E2F6: variants seen among roughly 807,000 people sequenced by gnomAD.
E2F6 encodes transcription factor E2F6.
A neutral mutation model predicts 31.5 loss-of-function variants in E2F6; 19 were observed. The observed-to-expected ratio is 0.60, with a 90% confidence interval of 0.42 to 0.89. The LOEUF (loss-of-function observed/expected upper bound fraction) is 0.89, where lower values mean the gene tolerates loss of function less well. Ranked by LOEUF, E2F6 falls within the 40% of genes least tolerant of loss-of-function variation. E2F6 has a pLI of 0.00. For missense variants in E2F6, 269 were observed against 341.6 expected, an observed-to-expected ratio of 0.79 and a Z score of 1.67; for synonymous variants, 121 against 127.7, an observed-to-expected ratio of 0.95 and a Z score of 0.36.
intron 6 of E2F6, among the ~76,000 whole-genome samples, chr2:11,447,287 C>T (rs544181242): frequency 4.6e-4 from 70 of 152,264 alleles, no homozygotes; most frequent in African/African-American, 1.6e-3. Context: ...TTCCCTTCTC[C>T]AAGATGTGCA....
At position 11,446,299 on chromosome 2, in the gene E2F6, C is replaced by T. The variant is rs2148330341; in HGVS notation, c.*178G>A. The T allele has an allele frequency of 3.9e-6, 2 of 513,662 alleles. 1 individual carries two copies. The highest frequency in any genetic ancestry group is 7.7e-5 in the Admixed American group (2 of 25,862). The allele number at this position is 513,662 out of a possible 1,614,324, so 31.8% of individuals were successfully genotyped here. ...AGGAGTTGTTTTCAAATGTGGAAAC[C>T]ACAATTACTCAGTAATCTAAGTGGT... is the stretch of plus-strand genomic sequence containing the variant. On this transcript the variant is annotated 3_prime_UTR_variant, in exon 7 of 7. Transcript: ENST00000381525.
At chr2:11,453,507 C>A in intron 3 of E2F6, 75 bp downstream of exon 3, 1 of 1,327,238 alleles carries the variant, frequency 7.5e-7, no homozygotes, top group East Asian at 2.3e-5. Flanking sequence ...AACACTGCCA[C>A]TATCTAGTTT....
At chr2:11,447,256 G>C (rs1221408764) in intron 6 of E2F6, among the ~76,000 whole-genome samples, 2 of 152,140 alleles carry the variant, frequency 1.3e-5, no homozygotes, top group African/African-American at 4.8e-5. Context: ...TTGACTGCCT[G>C]GGTCAAGCAG....
chr2:11,463,340 T>C (rs1671903658), intron 1 of E2F6, among the ~76,000 whole-genome samples: 1 of 152,248 alleles, frequency 6.6e-6, no homozygotes, highest in South Asian at 2.1e-4. Context: ...CCCGAAGGAG[T>C]AGGATTTTCT....
intron 1 of E2F6, 69 bp downstream of exon 1, chr2:11,465,703 G>C: frequency 6.6e-7 from 1 of 1,507,740 alleles, no homozygotes; most frequent in Admixed American, 2.0e-5. Context: ...CGGGGTTGGC[G>C]GCGGCGCGGG....
chr2:11,458,985 T>C (rs139460888), intron 1 of E2F6, among the ~76,000 whole-genome samples: 1 of 152,298 alleles, frequency 6.6e-6, no homozygotes, highest in Non-Finnish European at 1.5e-5. Flanking sequence ...GAAGCAGTCC[T>C]ATCAAAGTCA....
chr2:11,452,469 T>A (rs1671130412), intron 3 of E2F6, among the ~76,000 whole-genome samples: 1 of 152,032 alleles, frequency 6.6e-6, no homozygotes, highest in African/African-American at 2.4e-5. Context: ...CCGGGCGTGG[T>A]GGTGTATGCC....
chr2:11,457,362 G>A (rs1015176262), intron 1 of E2F6, 129 bp from the exon 2 acceptor site: 36 of 626,988 alleles, frequency 5.7e-5, no homozygotes, highest in Middle Eastern at 4.6e-4. Flanking sequence ...AGAGGCTCAC[G>A]CCTGTAATCC....
intron 4 of E2F6, 34 bp from the exon 5 acceptor site, chr2:11,450,160 C>T (rs200951551): frequency 9.1e-5 from 130 of 1,423,052 alleles, no homozygotes; most frequent in Non-Finnish European, 1.2e-4. Context: ...ACACAGAATG[C>T]TGTTTACTGG....
intron 1 of E2F6, among the ~76,000 whole-genome samples, chr2:11,460,145 A>C (rs920533417): frequency 6.6e-6 from 1 of 152,096 alleles, no homozygotes; most frequent in Non-Finnish European, 1.5e-5. Context: ...CAAAGGTGGA[A>C]AAAAAAATAA....
intron 5 of E2F6, among the ~76,000 whole-genome samples, chr2:11,449,695 T>G (rs966772255): frequency 1.3e-5 from 2 of 152,228 alleles, no homozygotes; most frequent in African/African-American, 4.8e-5. Flanking sequence ...GGCCAATTCT[T>G]GGTGATTCTT....
intron 2 of E2F6, among the ~76,000 whole-genome samples, chr2:11,456,537 C>T (rs908747043): frequency 4.6e-5 from 7 of 152,150 alleles, no homozygotes; most frequent in African/African-American, 1.7e-4. Flanking sequence ...CTAATCCATA[C>T]CTATATTTTG....
Position 11,453,540 on chromosome 2 carries a change from G to A in E2F6, c.380+42C>T, listed in dbSNP as rs751390859. The A allele has an allele frequency of 1.7e-5, 26 of 1,572,244 alleles. No homozygotes were observed. The East Asian group carries it at 5.6e-4, about 34-fold the overall frequency. On this transcript the variant is annotated intron_variant, in intron 3 of 6. Coordinates refer to ENST00000381525, the MANE Select transcript of E2F6 (RefSeq NM_198256.4). The stretch of plus-strand genomic sequence containing the variant: ...TTTAAGCATGGAATTGTCACTTGAT[G>A]AGAAGGAACAAAAGCCACGAAAAAG...
intron 1 of E2F6, among the ~76,000 whole-genome samples, chr2:11,462,761 G>A (rs58483074): frequency 0.055 from 8,358 of 152,254 alleles, 688 homozygotes; most frequent in African/African-American, 0.18. Context: ...GAAGATTCAG[G>A]TGCTGGGTGG....
chr2:11,450,024 T>C lies in E2F6; in HGVS notation c.639A>G (p.Pro213=). 6.2e-7 allele frequency: 1 copy of C among 1,611,902 alleles called. No homozygotes were observed. Among genetic ancestry groups the C allele is most frequent in the Non-Finnish European group, 8.5e-7 (1 of 1,178,464 alleles). Residue 213 remains proline, a synonymous_variant, in exon 5 of 7, where the codon CCA becomes CCG. Coordinates refer to ENST00000381525, the MANE Select transcript of E2F6 (RefSeq NM_198256.4). ...CAGGGTTACCTACTTCTCTGGGAGC[T>C]GGAACATCCAATCTGGTTTCTGCTG... is the stretch of plus-strand genomic sequence containing the variant. ...KAPAETRLDV[P]APREDSITVH...
chr2:11,465,777 G>A lies in E2F6; in HGVS notation c.103C>T (p.Leu35=), dbSNP rs1251772715. Residue 35 remains leucine, a synonymous_variant, in exon 1 of 7, where the codon CTG becomes TTG. Coordinates refer to ENST00000381525, the MANE Select transcript of E2F6 (RefSeq NM_198256.4). ...CGTCCCGTCCCGGAGCTTACCAGCAGGCCCTCCACGTTGATGGGGTCTCGG... is the reference window on the plus strand; with the variant it reads ...CGTCCCGTCCCGGAGCTTACCAGCAAGCCCTCCACGTTGATGGGGTCTCGG... ...RCRDPINVEG[L]LPSKIRINLE... 9 of 1,594,376 alleles carry A rather than the reference G, an allele frequency of 5.6e-6. No individual in the cohort carries two copies. Among genetic ancestry groups the A allele is most frequent in the Admixed American group, 1.8e-5 (1 of 57,030 alleles).
intron 4 of E2F6, chr2:11,451,116 A>T (rs1459626261): frequency 6.6e-6 from 1 of 152,200 alleles, no homozygotes; most frequent in African/African-American, 2.4e-5. Flanking sequence ...CCATTCACAA[A>T]TTTCTAGGAA....
rs1248966250 is a variant in E2F6 at position 11,453,692 on chromosome 2, G to A, written c.270C>T (p.Asn90=). The change falls in exon 3 of 7, where the codon AAC becomes AAT. Residue 90 remains asparagine, a synonymous_variant. Transcript: ENST00000381525. ...GGACTCCCAGTTTCGTTGCAACCTT[G>A]TTTAAGTCAAGAATACCCCCGGGAG... ...RSAPGGILDL[N]KVATKLGVRK... The A allele has an allele frequency of 6.2e-7, 1 of 1,614,090 alleles. No individual in the cohort carries two copies. The highest frequency in any genetic ancestry group is 2.2e-5 in the East Asian group (1 of 44,870).
intron 1 of E2F6, among the ~76,000 whole-genome samples, chr2:11,457,456 C>T (rs1281840822): frequency 1.3e-5 from 2 of 152,120 alleles, no homozygotes; most frequent in African/African-American, 2.4e-5. Flanking sequence ...AACCCCATCT[C>T]GACTAAAAAT....
Sources: allele counts gnomAD v4.1 joint callset (sites outside exome capture counted in the v4.1 genomes callset), GRCh38; gene constraint gnomAD v4.1.1; transcripts MANE v1.5; gene names NCBI Gene and HGNC (gene_info 2026-07-23, HGNC 2026-07-21).